The following LRP1B variants were observed in gnomAD, a reference collection of about 807,000 sequenced individuals.
LRP1B encodes the protein low-density lipoprotein receptor-related protein 1B.
In LRP1B, 217 loss-of-function variants were observed where a neutral mutation model predicts 556.6. The observed-to-expected ratio is 0.39, with a 90% confidence interval of 0.35 to 0.44. The LOEUF is 0.44. Among genes scored for constraint, LRP1B ranks in the 20% least tolerant of loss-of-function variants. The probability of loss-of-function intolerance (pLI) is 1.00; values close to 1 mark genes in which losing one functional copy is unlikely to be tolerated. For missense variants in LRP1B, 5,053 were observed against 5,620.8 expected, an observed-to-expected ratio of 0.90 and a Z score of 3.23; for synonymous variants, 2,047 against 1,865.8, an observed-to-expected ratio of 1.10 and a Z score of -2.50.
intron 12 of LRP1B, among the ~76,000 whole-genome samples, chr2:141,018,058 A>T (rs1697958715): frequency 1.3e-5 from 2 of 151,938 alleles, no homozygotes; most frequent in Admixed American, 1.3e-4. Context: ...AAACAATGAG[A>T]ATTCTTAAAC....
intron 35 of LRP1B, among the ~76,000 whole-genome samples, chr2:140,726,938 T>C (rs935608537): frequency 6.6e-6 from 1 of 152,130 alleles, no homozygotes; most frequent in Non-Finnish European, 1.5e-5. Flanking sequence ...CTTTTTCAAA[T>C]ATATCAAATC....
intron 55 of LRP1B, among the ~76,000 whole-genome samples, chr2:140,500,296 TAACC>T (rs1689126251): frequency 6.6e-6 from 1 of 151,976 alleles, no homozygotes; most frequent in Non-Finnish European, 1.5e-5. Context: ...AGTAAAATCC[TAACC>T]AACCTAACCA....
At chr2:141,858,407 A>C (rs1448823804) in intron 1 of LRP1B, among the ~76,000 whole-genome samples, 3 of 152,146 alleles carry the variant, frequency 2.0e-5, no homozygotes, top group African/African-American at 7.2e-5. Context: ...AATAATTAGC[A>C]CTCTGCCTGA....
chr2:141,909,600 G>A (rs1354280593), intron 1 of LRP1B, among the ~76,000 whole-genome samples: 1 of 133,884 alleles, frequency 7.5e-6, no homozygotes, highest in African/African-American at 2.9e-5. Context: ...TGAATGAATA[G>A]ACCCTGGGGC....
chr2:141,017,631 C>A (rs1697942880), intron 12 of LRP1B, among the ~76,000 whole-genome samples: 1 of 148,706 alleles, frequency 6.7e-6, no homozygotes, highest in African/African-American at 2.5e-5. Flanking sequence ...TAATGCCAAT[C>A]TGAGAGAGGT....
rs546368558 is a variant in LRP1B at position 141,247,394 on chromosome 2, C to T, written c.464-40G>A. The T allele has an allele frequency of 4.2e-5, 67 of 1,596,530 alleles. 1 individual carries two copies. The East Asian group carries it at 6.5e-4, about 16-fold the overall frequency. ...TGGCATCATTTCTAAGCAGCTTTAT[C>T]TTGGGCACTTTTTTTTCTCCTTGAA... On this transcript the variant is annotated intron_variant, in intron 4 of 90. Coordinates refer to ENST00000389484, the MANE Select transcript of LRP1B (RefSeq NM_018557.3).
chr2:142,048,112 G>A (rs1704322914), intron 1 of LRP1B, among the ~76,000 whole-genome samples: 1 of 151,980 alleles, frequency 6.6e-6, no homozygotes, highest in Non-Finnish European at 1.5e-5. Context: ...AATTTTCTAA[G>A]GTTTTCCAGA....
chr2:140,950,905 T>G (rs2105301329), intron 19 of LRP1B, among the ~76,000 whole-genome samples: 1 of 151,458 alleles, frequency 6.6e-6, no homozygotes, highest in African/African-American at 2.4e-5. Context: ...ATTATTTTCA[T>G]CTTCATATTG....
At chr2:140,270,085 T>C (rs1682388287) in intron 86 of LRP1B, among the ~76,000 whole-genome samples, 157 bp downstream of exon 86, 1 of 151,878 alleles carries the variant, frequency 6.6e-6, no homozygotes, top group African/African-American at 2.4e-5. Context: ...GAAAGGAGAT[T>C]CTGCAGCACA....
intron 7 of LRP1B, 25 bp from the exon 8 acceptor site, chr2:141,062,298 A>C: frequency 1.3e-6 from 2 of 1,539,142 alleles, no homozygotes; most frequent in South Asian, 1.2e-5. Context: ...CTAAATGTTA[A>C]AGTGGAGGGT....
At chr2:140,741,035 A>G (rs1448097219) in intron 35 of LRP1B, among the ~76,000 whole-genome samples, 2 of 152,192 alleles carry the variant, frequency 1.3e-5, no homozygotes, top group Non-Finnish European at 2.9e-5. Context: ...AATCCCCATA[A>G]GAACACATGA....
intron 41 of LRP1B, among the ~76,000 whole-genome samples, chr2:140,618,650 A>T (rs1683340827): frequency 6.6e-6 from 1 of 152,176 alleles, no homozygotes. Context: ...TTCAGGACAG[A>T]AGAACTTAGG....
At chr2:141,610,918 T>C (rs980908083) in intron 2 of LRP1B, among the ~76,000 whole-genome samples, 1 of 152,192 alleles carries the variant, frequency 6.6e-6, no homozygotes, top group African/African-American at 2.4e-5. Flanking sequence ...TTGAATTTGA[T>C]TGGAGGAGCA....
chr2:140,726,617 T>C lies in LRP1B; in HGVS notation c.5759-9801A>G, dbSNP rs563936847. Among the ~76,000 whole-genome samples the C allele has an allele frequency of 3.3e-5, 5 of 152,328 alleles. 1 individual carries two copies. The South Asian group carries it at 1.0e-3, about 32-fold the overall frequency. On this transcript the variant is annotated intron_variant, in intron 35 of 90. Transcript: ENST00000389484. ...TCATACCTTTGGCATGTGACAAATATATGTTTCATATGTGTCATATGCCAT... is the reference window on the plus strand; with the variant it reads ...TCATACCTTTGGCATGTGACAAATACATGTTTCATATGTGTCATATGCCAT...
chr2:141,173,360 C>T (rs1680590401), intron 7 of LRP1B, among the ~76,000 whole-genome samples: 1 of 152,060 alleles, frequency 6.6e-6, no homozygotes, highest in Admixed American at 6.6e-5. Flanking sequence ...CTTTTTCCAA[C>T]TATTTTTCCT....
intron 2 of LRP1B, among the ~76,000 whole-genome samples, chr2:141,746,973 T>A (rs552025964): frequency 3.9e-5 from 4 of 103,776 alleles, no homozygotes; most frequent in African/African-American, 1.0e-4. Flanking sequence ...ATAATTTTGA[T>A]GAGCGTCCTT....
intron 2 of LRP1B, among the ~76,000 whole-genome samples, chr2:141,561,755 C>A (rs1297967858): frequency 6.6e-6 from 1 of 151,782 alleles, no homozygotes; most frequent in African/African-American, 2.4e-5. Context: ...ACAAAGACAA[C>A]CTCTTTCTAC....
At chr2:140,769,149 C>T (rs1689215705) in intron 35 of LRP1B, 64 bp downstream of exon 35, 3 of 1,435,922 alleles carry the variant, frequency 2.1e-6, no homozygotes, top group Admixed American at 1.8e-5. Flanking sequence ...AGATTGTATT[C>T]CCATCATGTT....
At chr2:140,734,537 C>T (rs1687882283) in intron 35 of LRP1B, among the ~76,000 whole-genome samples, 1 of 152,140 alleles carries the variant, frequency 6.6e-6, no homozygotes, top group Non-Finnish European at 1.5e-5. Flanking sequence ...AAAACAGTCA[C>T]AGCTACAATG....
Sources: gnomAD v4.1 joint callset for allele counts (sites outside exome capture counted in the v4.1 genomes callset) on GRCh38, gnomAD v4.1.1 for gene constraint, MANE v1.5 for transcripts, NCBI Gene and HGNC (gene_info 2026-07-23, HGNC 2026-07-21) for gene names.